Variants in RALGPS2 observed in about 807,000 individuals in gnomAD.
RALGPS2 encodes Ral GEF with PH domain and SH3 binding motif 2, also known as ras-specific guanine nucleotide-releasing factor RalGPS2.
A neutral mutation model predicts 86.8 loss-of-function variants in RALGPS2; 43 were observed. That is an observed-to-expected ratio of 0.50 (90% CI 0.39 to 0.64). RALGPS2 has a LOEUF of 0.64. Ranked by LOEUF, RALGPS2 falls within the 30% of genes least tolerant of loss-of-function variation. RALGPS2 has a pLI of 0.00. For missense variants in RALGPS2, 536 were observed against 694.6 expected (o/e 0.77, Z 2.57); for synonymous variants, 243 against 231.3 (o/e 1.05, Z -0.46).
At chr1:178,779,252 A>T (rs534523087) in intron 2 of RALGPS2, among the ~76,000 whole-genome samples, 4 of 152,256 alleles carry the variant, frequency 2.6e-5, no homozygotes, top group African/African-American at 9.6e-5. Flanking sequence ...ATATATTATG[A>T]TTGTATTTTT....
chr1:178,785,648 G>C (rs368119671), intron 4 of RALGPS2, 41 bp downstream of exon 4: 13 of 1,525,662 alleles, frequency 8.5e-6, no homozygotes, highest in East Asian at 2.4e-5. Flanking sequence ...TATAGAAAAC[G>C]ATCAATCTCA....
intron 1 of RALGPS2, among the ~76,000 whole-genome samples, chr1:178,756,750 T>C (rs1651975306): frequency 6.6e-6 from 1 of 152,204 alleles, no homozygotes; most frequent in South Asian, 2.1e-4. Flanking sequence ...CTTTGAGCAG[T>C]GTGGCCATTT....
At chr1:178,878,719 C>G (rs1659102525) in intron 9 of RALGPS2, among the ~76,000 whole-genome samples, 183 bp from the exon 10 acceptor site, 1 of 152,128 alleles carries the variant, frequency 6.6e-6, no homozygotes, top group Non-Finnish European at 1.5e-5. Context: ...CAATATACAA[C>G]TGTAATTTTC....
At position 178,850,804 on chromosome 1, in the gene RALGPS2, A is replaced by G. The variant is rs570092007; in HGVS notation, c.607+17254A>G. On this transcript the variant is annotated intron_variant, in intron 8 of 19. Transcript: ENST00000367635. ...TTAGATTTTAAATAAATTGTTAAGT[A>G]TCTTGAACATGTTATTTATGATTTA... 16 of 180,188 alleles carry G rather than the reference A, an allele frequency of 8.9e-5. No individual in the cohort carries two copies. In the East Asian group the frequency reaches 2.2e-3, roughly 25 times the overall value. The allele number at this position is 180,188 out of a possible 1,614,324, so 11.2% of individuals were successfully genotyped here.
At chr1:178,779,739 G>C (rs1261818280) in intron 2 of RALGPS2, among the ~76,000 whole-genome samples, 1 of 152,106 alleles carries the variant, frequency 6.6e-6, no homozygotes, top group Non-Finnish European at 1.5e-5. Flanking sequence ...TTGTTTATTT[G>C]TGGTGGGGTT....
chr1:178,901,058 A>C (rs1388382834), intron 17 of RALGPS2, among the ~76,000 whole-genome samples: 2 of 152,096 alleles, frequency 1.3e-5, no homozygotes, highest in Non-Finnish European at 2.9e-5. Context: ...AGTAAAACTT[A>C]CTGATTTCTT....
chr1:178,744,513 C>T (rs1572277357), intron 1 of RALGPS2, among the ~76,000 whole-genome samples: 1 of 152,012 alleles, frequency 6.6e-6, no homozygotes, highest in South Asian at 2.1e-4. Flanking sequence ...CCAATACAGT[C>T]AAGAAAAAGA....
At chr1:178,734,173 A>C (rs1650545112) in intron 1 of RALGPS2, among the ~76,000 whole-genome samples, 1 of 152,250 alleles carries the variant, frequency 6.6e-6, no homozygotes, top group African/African-American at 2.4e-5. Flanking sequence ...ACCGCTTCAC[A>C]CCACTAGGAT....
At chr1:178,812,256 C>A (rs184884261) in intron 6 of RALGPS2, among the ~76,000 whole-genome samples, 1 of 152,056 alleles carries the variant, frequency 6.6e-6, no homozygotes. Flanking sequence ...GCCCAGAGAA[C>A]GAAGTCCTGA....
intron 13 of RALGPS2, among the ~76,000 whole-genome samples, chr1:178,886,997 G>A (rs1374821690): frequency 6.6e-6 from 1 of 152,186 alleles, no homozygotes; most frequent in East Asian, 1.9e-4. Flanking sequence ...ATTTGAAAAT[G>A]AGAGGTGAGG....
At chr1:178,869,937 CT>C (rs891907483) in intron 8 of RALGPS2, among the ~76,000 whole-genome samples, 16 of 152,146 alleles carry the variant, frequency 1.1e-4, no homozygotes, top group African/African-American at 3.4e-4. Context: ...TTATTTCTAC[CT>C]AAAATATTAC....
At chr1:178,900,985 G>T (rs1477827776) in intron 17 of RALGPS2, among the ~76,000 whole-genome samples, 1 of 151,980 alleles carries the variant, frequency 6.6e-6, no homozygotes, top group African/African-American at 2.4e-5. Flanking sequence ...TATTCATGTC[G>T]AAGTACATTA....
intron 1 of RALGPS2, among the ~76,000 whole-genome samples, chr1:178,748,782 C>T (rs1429568117): frequency 1.4e-5 from 2 of 145,560 alleles, no homozygotes; most frequent in African/African-American, 2.6e-5. Context: ...GAACAGGAGG[C>T]GGAGGTTGCA....
chr1:178,749,576 G>A (rs1366069402), intron 1 of RALGPS2, among the ~76,000 whole-genome samples: 3 of 152,186 alleles, frequency 2.0e-5, no homozygotes, highest in Non-Finnish European at 1.5e-5. Flanking sequence ...GGTTTGAAAC[G>A]TTGGCCCCTA....
intron 1 of RALGPS2, among the ~76,000 whole-genome samples, chr1:178,754,329 A>G (rs1308586557): frequency 6.6e-6 from 1 of 152,126 alleles, no homozygotes; most frequent in African/African-American, 2.4e-5. Context: ...AGAAGCTGAG[A>G]AGTCCCAAGA....
intron 1 of RALGPS2, chr1:178,747,702 C>T: frequency 2.8e-6 from 4 of 1,416,674 alleles, no homozygotes; most frequent in Non-Finnish European, 4.0e-6. Flanking sequence ...CAGCAGCTGC[C>T]AGCGATGCTG....
At chr1:178,914,671 G>A (rs763569054) in intron 19 of RALGPS2, among the ~76,000 whole-genome samples, 3 of 151,464 alleles carry the variant, frequency 2.0e-5, no homozygotes, top group African/African-American at 4.9e-5. Flanking sequence ...CAATCCCGAG[G>A]GCATTTTTTT....
chr1:178,867,473 T>C (rs967095072), intron 8 of RALGPS2, among the ~76,000 whole-genome samples: 2 of 152,092 alleles, frequency 1.3e-5, no homozygotes, highest in African/African-American at 4.8e-5. Context: ...TATCATTTTA[T>C]AAAGGAGGAA....
chr1:178,806,093 T>C (rs765774109), intron 4 of RALGPS2, among the ~76,000 whole-genome samples: 1 of 152,046 alleles, frequency 6.6e-6, no homozygotes, highest in African/African-American at 2.4e-5. Flanking sequence ...TATATATATT[T>C]TTTTTCTATA....
Sources: allele counts gnomAD v4.1 joint callset (sites outside exome capture counted in the v4.1 genomes callset), GRCh38; gene constraint gnomAD v4.1.1; transcripts MANE v1.5; gene names NCBI Gene and HGNC (gene_info 2026-07-23, HGNC 2026-07-21).